Variants in RPS6KB1 observed in about 807,000 individuals in gnomAD.
The protein encoded by RPS6KB1 is ribosomal protein S6 kinase B1.
In RPS6KB1, 12 loss-of-function variants were observed where a neutral mutation model predicts 70.2. The ratio of observed to expected loss-of-function variants is 0.17; its 90% CI spans 0.11 to 0.28. The LOEUF is 0.28. RPS6KB1 is among the 10% of genes least tolerant of loss of function. The pLI is 1.00. For synonymous variants in RPS6KB1, 175 were observed against 211.2 expected, an observed-to-expected ratio of 0.83 and a Z score of 1.49; for missense variants, 270 against 646.6, an observed-to-expected ratio of 0.42 and a Z score of 6.32.
chr17:59,945,776 G>A (rs1319141990), intron 14 of RPS6KB1, among the ~76,000 whole-genome samples: 1 of 152,092 alleles, frequency 6.6e-6, no homozygotes, highest in African/African-American at 2.4e-5. Context: ...CATTTATTGT[G>A]CACCAAGAGC....
Position 59,893,471 on chromosome 17 carries a change from C to G in RPS6KB1, c.141+146C>G. 2.3e-6 allele frequency: 2 copies of G among 864,490 alleles called. No individual in the cohort carries two copies. Among genetic ancestry groups the G allele is most frequent in the South Asian group, 3.5e-5 (2 of 56,540 alleles). 53.6% of individuals were successfully genotyped at this position (864,490 alleles called of 1,614,324 possible). ...GCGCGGCCTGAGACAGGGGAGCGGG[C>G]GGGGCGGTCATGGCCCTAGGTGTGA... On this transcript the variant is annotated intron_variant, in intron 1 of 14. Transcript: ENST00000225577. The surrounding 1 kb of genome is among the most constrained non-coding windows in gnomAD (Gnocchi z 4.1).
intron 13 of RPS6KB1, 46 bp downstream of exon 13, chr17:59,940,989 G>A (rs1374648579): frequency 8.3e-7 from 1 of 1,208,402 alleles, no homozygotes; most frequent in Non-Finnish European, 1.2e-6. Context: ...TTTAGTGTGA[G>A]GATGGGCTCT....
rs554909266 is a variant in RPS6KB1, at chr17:59,948,669, A to G, written c.*1881A>G. Reference sequence around the variant, plus strand: ...TTGGACAGAAAGCCTTTAAAAAAAAAATCACTCCCTCTTCCCCCTCCTCCC... The same window carrying G: ...TTGGACAGAAAGCCTTTAAAAAAAAGATCACTCCCTCTTCCCCCTCCTCCC... On this transcript the variant is annotated 3_prime_UTR_variant, in exon 15 of 15. Transcript: ENST00000225577. The G allele has an allele frequency of 1.6e-3, 246 of 152,360 alleles. 3 individuals are homozygous for G. The highest frequency in any genetic ancestry group is 5.4e-3 in the African/African-American group (226 of 41,544). 9.4% of individuals were successfully genotyped at this position (152,360 alleles called of 1,614,324 possible). A position where few individuals can be genotyped will look rare whatever the true frequency, so the allele number is the denominator to read the frequency against.
At chr17:59,909,424 C>T (rs1430669494) in intron 1 of RPS6KB1, among the ~76,000 whole-genome samples, 1 of 150,912 alleles carries the variant, frequency 6.6e-6, no homozygotes, top group Non-Finnish European at 1.5e-5. Flanking sequence ...TGCGACACCG[C>T]ACCCGTCTAA....
rs2045116160 is a variant in RPS6KB1 at position 59,949,779 on chromosome 17, A to G, written c.*2991A>G. 6.6e-6 allele frequency: 1 copy of G among 152,474 alleles called. No homozygotes were observed. Among genetic ancestry groups the G allele is most frequent in the African/African-American group, 2.4e-5 (1 of 41,436 alleles). The allele number at this position is 152,474 out of a possible 1,614,324, so 9.4% of individuals were successfully genotyped here. A position where few individuals can be genotyped will look rare whatever the true frequency, so the allele number is the denominator to read the frequency against. ...GTGGAGGATGCATGTATGATACTCCATAAATTCAACATTCTTTACTATAGG... is the reference window on the plus strand; with the variant it reads ...GTGGAGGATGCATGTATGATACTCCGTAAATTCAACATTCTTTACTATAGG... On this transcript the variant is annotated 3_prime_UTR_variant, in exon 15 of 15. Transcript: ENST00000225577.
chr17:59,935,687 C>T (rs566428321), intron 10 of RPS6KB1, among the ~76,000 whole-genome samples: 1 of 152,142 alleles, frequency 6.6e-6, no homozygotes, highest in Non-Finnish European at 1.5e-5. Context: ...GTTGGTCAGT[C>T]TGGTCTGGAA....
chr17:59,922,637 C>G (rs571444302), intron 4 of RPS6KB1, among the ~76,000 whole-genome samples: 9 of 148,488 alleles, frequency 6.1e-5, no homozygotes, highest in Admixed American at 1.3e-4. Context: ...TTCTGCCTCC[C>G]GGGTTCAAAC....
At chr17:59,910,993 T>G (rs1467184818) in intron 2 of RPS6KB1, among the ~76,000 whole-genome samples, 4 of 152,154 alleles carry the variant, frequency 2.6e-5, no homozygotes, top group Non-Finnish European at 5.9e-5. Context: ...CAGAAATTCA[T>G]GCAATCCGGC....
chr17:59,950,506 T>G lies in RPS6KB1; in HGVS notation c.*3718T>G, dbSNP rs1209820916. Reference sequence around the variant, plus strand: ...ATCAGGTGTATAAATGGTTTAAATTTATTTTAACATGTCAGATGTGTTCAA... The same window carrying G: ...ATCAGGTGTATAAATGGTTTAAATTGATTTTAACATGTCAGATGTGTTCAA... On this transcript the variant is annotated 3_prime_UTR_variant, in exon 15 of 15. Transcript: ENST00000225577. 3.6e-5 allele frequency: 4 copies of G among 109,598 alleles called. No individual in the cohort carries two copies. Among genetic ancestry groups the G allele is most frequent in the Admixed American group, 3.6e-4 (4 of 11,024 alleles). 6.8% of individuals were successfully genotyped at this position (109,598 alleles called of 1,614,324 possible).
chr17:59,943,586 A>T (rs974392026), intron 13 of RPS6KB1, among the ~76,000 whole-genome samples: 2 of 135,740 alleles, frequency 1.5e-5, no homozygotes, highest in Admixed American at 7.4e-5. Flanking sequence ...AAACATTAAT[A>T]AAAAAAAATA....
At position 59,894,825 on chromosome 17, in the gene RPS6KB1, G is replaced by A. The variant is rs529097943; in HGVS notation, c.141+1500G>A. Among the ~76,000 whole-genome samples, 3 of 152,014 alleles carry A rather than the reference G, an allele frequency of 2.0e-5. No individual in the cohort carries two copies. In the East Asian group the frequency reaches 5.8e-4, roughly 29 times the overall value. On this transcript the variant is annotated intron_variant, in intron 1 of 14. Transcript: ENST00000225577. The stretch of plus-strand genomic sequence containing the variant: ...TCACCATATTGGCCAGGCTGTTCTC[G>A]GACTCCTGACCTCAAATGATCCACC...
At chr17:59,916,108 AT>A (rs1156481644) in intron 4 of RPS6KB1, among the ~76,000 whole-genome samples, 25 of 126,892 alleles carry the variant, frequency 2.0e-4, no homozygotes, top group African/African-American at 2.1e-4. Flanking sequence ...GCAGTTTTCA[AT>A]TTTTTTTTTT....
Position 59,949,933 on chromosome 17 carries a change from A to G in RPS6KB1, c.*3145A>G, listed in dbSNP as rs2045123904. 1 of 152,530 alleles carries G rather than the reference A, an allele frequency of 6.6e-6. No homozygotes were observed. The highest frequency in any genetic ancestry group is 6.5e-5 in the Admixed American group (1 of 15,270). 9.4% of individuals were successfully genotyped at this position (152,530 alleles called of 1,614,324 possible). On this transcript the variant is annotated 3_prime_UTR_variant, in exon 15 of 15. Coordinates refer to ENST00000225577, the MANE Select transcript of RPS6KB1 (RefSeq NM_003161.4). ...ATGGTTCCTAGCTTACAAGGGCTAGATCTAAGATTATTCCCATGAGAAATG... is the reference window on the plus strand; with the variant it reads ...ATGGTTCCTAGCTTACAAGGGCTAGGTCTAAGATTATTCCCATGAGAAATG...
At chr17:59,897,188 C>T (rs1304445556) in intron 1 of RPS6KB1, among the ~76,000 whole-genome samples, 10 of 152,136 alleles carry the variant, frequency 6.6e-5, no homozygotes, top group Admixed American at 5.9e-4. Flanking sequence ...TTATAATGTT[C>T]CTCTTTGTGG....
At chr17:59,915,291 AAAT>A (rs1464309027) in intron 4 of RPS6KB1, among the ~76,000 whole-genome samples, 8 of 151,576 alleles carry the variant, frequency 5.3e-5, no homozygotes, top group African/African-American at 7.3e-5. Flanking sequence ...ACCCGGCAAA[AAAT>A]GTATTTCTAA....
intron 1 of RPS6KB1, among the ~76,000 whole-genome samples, chr17:59,907,984 A>G (rs775229335): frequency 3.3e-5 from 5 of 152,050 alleles, no homozygotes; most frequent in East Asian, 1.9e-4. Flanking sequence ...ATGACTTCCA[A>G]CTGTTTGACA....
At chr17:59,913,003 G>C (rs556046194) in intron 3 of RPS6KB1, among the ~76,000 whole-genome samples, 199 bp downstream of exon 3, 12 of 152,224 alleles carry the variant, frequency 7.9e-5, no homozygotes, top group African/African-American at 2.9e-4. Context: ...TAAAAGCCTG[G>C]CACATAATAG....
At chr17:59,902,020 A>G (rs1048655393) in intron 1 of RPS6KB1, among the ~76,000 whole-genome samples, 1 of 151,434 alleles carries the variant, frequency 6.6e-6, no homozygotes, top group African/African-American at 2.4e-5. Context: ...TCTAAAAAAA[A>G]AAAAAAAAAA....
intron 5 of RPS6KB1, among the ~76,000 whole-genome samples, chr17:59,927,883 G>T (rs775802345): frequency 6.6e-6 from 1 of 151,630 alleles, no homozygotes; most frequent in Non-Finnish European, 1.5e-5. Context: ...TCCTATGCCA[G>T]GCTCAGTGGC....
Sources: allele counts gnomAD v4.1 joint callset (sites outside exome capture counted in the v4.1 genomes callset), GRCh38; gene constraint gnomAD v4.1.1; non-coding constraint Gnocchi (gnomAD v3.1); transcripts MANE v1.5; gene names NCBI Gene and HGNC (gene_info 2026-07-23, HGNC 2026-07-21).